Variants in PRKG1 observed in about 807,000 individuals in gnomAD.
PRKG1 encodes the protein cGMP-dependent protein kinase 1.
A neutral mutation model predicts 88.1 loss-of-function variants in PRKG1; 35 were observed. The observed-to-expected ratio is 0.40, with a 90% CI of 0.30 to 0.53. The LOEUF (loss-of-function observed/expected upper bound fraction) is 0.53, where lower values mean the gene tolerates loss of function less well. Among genes scored for constraint, PRKG1 ranks in the 20% least tolerant of loss-of-function variants. PRKG1 has a pLI of 0.59. For synonymous variants in PRKG1, 303 were observed against 292.5 expected (o/e 1.04, Z -0.37); for missense variants, 540 against 839.8 (o/e 0.64, Z 4.41).
At chr10:51,336,613 C>T (rs1373833113) in intron 2 of PRKG1, among the ~76,000 whole-genome samples, 14 of 152,144 alleles carry the variant, frequency 9.2e-5, no homozygotes, top group Non-Finnish European at 7.3e-5. Context: ...CCAGTTATAC[C>T]TGGCATAGAG....
intron 2 of PRKG1, among the ~76,000 whole-genome samples, chr10:51,294,066 GTTTC>G (rs1258425407): frequency 6.6e-6 from 1 of 151,898 alleles, no homozygotes; most frequent in African/African-American, 2.4e-5. Flanking sequence ...TTTTAATAGA[GTTTC>G]TTTTTTTACT....
At chr10:51,796,450 A>T (rs1839014170) in intron 3 of PRKG1, among the ~76,000 whole-genome samples, 1 of 152,074 alleles carries the variant, frequency 6.6e-6, no homozygotes, top group Non-Finnish European at 1.5e-5. Flanking sequence ...CTTGTGTGTA[A>T]CTTGTGCATC....
intron 3 of PRKG1, among the ~76,000 whole-genome samples, chr10:51,490,597 G>A (rs945314044): frequency 6.6e-6 from 1 of 152,100 alleles, no homozygotes; most frequent in African/African-American, 2.4e-5. Context: ...TAACTAGCCT[G>A]TCACTCCTAA....
intron 4 of PRKG1, among the ~76,000 whole-genome samples, chr10:51,815,908 C>A (rs1241405529): frequency 6.6e-6 from 1 of 152,102 alleles, no homozygotes; most frequent in Non-Finnish European, 1.5e-5. Flanking sequence ...TGCTTCACAG[C>A]ACAACTAGGG....
At chr10:51,447,680 A>G (rs1839315270) in intron 2 of PRKG1, among the ~76,000 whole-genome samples, 1 of 151,806 alleles carries the variant, frequency 6.6e-6, no homozygotes, top group Non-Finnish European at 1.5e-5. Flanking sequence ...TCCATCTACC[A>G]CATACCACCA....
intron 3 of PRKG1, among the ~76,000 whole-genome samples, chr10:51,718,925 T>C (rs1424986620): frequency 6.6e-6 from 1 of 151,868 alleles, no homozygotes; most frequent in Non-Finnish European, 1.5e-5. Flanking sequence ...AGCAGGAGAA[T>C]GGCCTGAGGC....
intron 9 of PRKG1, among the ~76,000 whole-genome samples, chr10:52,224,747 TCATCC>T (rs1184202368): frequency 1.8e-4 from 26 of 148,078 alleles, no homozygotes; most frequent in African/African-American, 6.5e-4. Flanking sequence ...GCCTCCAATC[TCATCC>T]AGGTTACTAC....
intron 1 of PRKG1, among the ~76,000 whole-genome samples, chr10:51,046,299 A>G (rs981109944): frequency 2.6e-5 from 4 of 152,184 alleles, no homozygotes; most frequent in African/African-American, 9.6e-5. Flanking sequence ...GAACTTGATG[A>G]TGGAGGCTTT....
At chr10:51,237,302 C>A (rs74885225) in intron 2 of PRKG1, among the ~76,000 whole-genome samples, 1 of 152,134 alleles carries the variant, frequency 6.6e-6, no homozygotes, top group Non-Finnish European at 1.5e-5. Context: ...TAGCTACTGG[C>A]GCCAAAGAGT....
intron 4 of PRKG1, among the ~76,000 whole-genome samples, chr10:51,860,250 A>G (rs1840837353): frequency 6.6e-6 from 1 of 152,220 alleles, no homozygotes; most frequent in African/African-American, 2.4e-5. Flanking sequence ...TTTGTGGCTT[A>G]AAGTAAAAAC....
chr10:51,809,709 CTGTTCACCCTCAGAAAA>C (rs1466284786), intron 4 of PRKG1, among the ~76,000 whole-genome samples: 1 of 152,182 alleles, frequency 6.6e-6, no homozygotes, highest in African/African-American at 2.4e-5. Context: ...ACAGTAGATC[CTGTTCACCCTCAGAAAA>C]TATTTTCTTT....
intron 2 of PRKG1, among the ~76,000 whole-genome samples, chr10:51,451,740 G>C (rs181073022): frequency 4.7e-4 from 71 of 152,038 alleles, no homozygotes; most frequent in Non-Finnish European, 3.7e-4. Flanking sequence ...TGGATTAACT[G>C]TGCTCACAAT....
At position 51,898,261 on chromosome 10, in the gene PRKG1, A is replaced by G. The variant is rs1841899714; in HGVS notation, c.699-9246A>G. On this transcript the variant is annotated intron_variant, in intron 4 of 17. Transcript: ENST00000373980. The stretch of plus-strand genomic sequence containing the variant: ...TTTAACTTGCCCCTCTTTCCATTGT[A>G]ATAACTGCTACCCTGTTCATCTTTA... Among the ~76,000 whole-genome samples the G allele has an allele frequency of 2.0e-5, 3 of 152,180 alleles. No individual in the cohort carries two copies. The South Asian group carries it at 6.2e-4, about 31-fold the overall frequency.
chr10:51,471,697 A>G (rs1378955987), intron 3 of PRKG1, among the ~76,000 whole-genome samples: 1 of 151,938 alleles, frequency 6.6e-6, no homozygotes, highest in African/African-American at 2.4e-5. Context: ...TTTTGCCTGT[A>G]AACATTAAAT....
intron 2 of PRKG1, among the ~76,000 whole-genome samples, chr10:51,252,276 T>C (rs1256750296): frequency 6.6e-6 from 1 of 151,828 alleles, no homozygotes; most frequent in Admixed American, 6.6e-5. Flanking sequence ...ACTTTTGTTA[T>C]TTGGAATAAA....
intron 2 of PRKG1, among the ~76,000 whole-genome samples, chr10:51,298,830 G>A (rs1840792993): frequency 3.3e-5 from 5 of 152,154 alleles, no homozygotes; most frequent in Admixed American, 3.3e-4. Context: ...GAATTGGAAG[G>A]GAAGTGCTAG....
chr10:51,956,240 G>C (rs747575628), intron 5 of PRKG1, among the ~76,000 whole-genome samples: 1 of 151,994 alleles, frequency 6.6e-6, no homozygotes, highest in Non-Finnish European at 1.5e-5. Flanking sequence ...GTGGTTTCAA[G>C]TGATATACTT....
intron 2 of PRKG1, among the ~76,000 whole-genome samples, chr10:51,348,061 T>A (rs1480498164): frequency 6.6e-6 from 1 of 151,696 alleles, no homozygotes; most frequent in African/African-American, 2.4e-5. Context: ...AGACTCCATC[T>A]CAAAAAAAAC....
intron 1 of PRKG1, among the ~76,000 whole-genome samples, chr10:51,151,748 A>C (rs1846078012): frequency 6.6e-6 from 1 of 151,934 alleles, no homozygotes; most frequent in South Asian, 2.1e-4. Context: ...ATAGTAATGA[A>C]ATTTCAATTG....
Sources: gnomAD v4.1 joint callset for allele counts (sites outside exome capture counted in the v4.1 genomes callset) on GRCh38, gnomAD v4.1.1 for gene constraint, MANE v1.5 for transcripts, NCBI Gene and HGNC (gene_info 2026-07-23, HGNC 2026-07-21) for gene names.